The following ARID3A variants were observed in gnomAD, a reference collection of about 807,000 sequenced individuals.
ARID3A encodes the protein AT-rich interactive domain-containing protein 3A.
A neutral mutation model predicts 52.7 loss-of-function variants in ARID3A; 11 were observed. The observed-to-expected ratio is 0.21, with a 90% confidence interval of 0.13 to 0.35. The LOEUF (loss-of-function observed/expected upper bound fraction) is 0.35. Ranked by LOEUF, ARID3A falls within the 10% of genes least tolerant of loss-of-function variation. ARID3A has a pLI of 1.00. For missense variants in ARID3A, 721 were observed against 838.5 expected, an observed-to-expected ratio of 0.86 and a Z score of 1.73; for synonymous variants, 404 against 359.4, an observed-to-expected ratio of 1.12 and a Z score of -1.40.
Position 975,316 on chromosome 19 carries a change from G to A in ARID3A, c.*3251G>A, listed in dbSNP as rs922380482. The A allele has an allele frequency of 1.0e-4, 23 of 230,288 alleles. No homozygotes were observed. The highest frequency in any genetic ancestry group is 3.3e-4 in the African/African-American group (15 of 45,126). 14.3% of individuals were successfully genotyped at this position (230,288 alleles called of 1,614,324 possible). A position where few individuals can be genotyped will look rare whatever the true frequency, so the allele number is the denominator to read the frequency against. ...AGAAAGGCGGCTTCTGGAACCTTCC[G>A]TGGGACCCGTAAGTGGCTGTCCAGA... is the stretch of plus-strand genomic sequence containing the variant. On this transcript the variant is annotated 3_prime_UTR_variant, in exon 9 of 9. Coordinates refer to ENST00000263620, the MANE Select transcript of ARID3A (RefSeq NM_005224.3).
Position 959,983 on chromosome 19 carries a change from T to G in ARID3A, c.694-109T>G, listed in dbSNP as rs913815790. ...GGCAGCGGCTTGAGGGTCCTAGGGG[T>G]GGTGACCCCTGCTCCTGTCCTCCTG... On this transcript the variant is annotated intron_variant, in intron 3 of 8. Transcript: ENST00000263620. The surrounding 1 kb of genome is among the most constrained non-coding windows in gnomAD (Gnocchi z 5.0). 20 of 869,302 alleles carry G rather than the reference T, an allele frequency of 2.3e-5. No individual in the cohort carries two copies. Among genetic ancestry groups the G allele is most frequent in the Admixed American group, 5.4e-5 (2 of 37,124 alleles). 53.8% of individuals were successfully genotyped at this position (869,302 alleles called of 1,614,324 possible). A position where few individuals can be genotyped will look rare whatever the true frequency, so the allele number is the denominator to read the frequency against.
At chr19:943,567 CA>C (rs55936409) in intron 3 of ARID3A, among the ~76,000 whole-genome samples, 36 of 131,414 alleles carry the variant, frequency 2.7e-4, no homozygotes, top group Admixed American at 3.8e-4. Context: ...GACTCTGTCT[CA>C]AAAAAAAAAA....
intron 3 of ARID3A, among the ~76,000 whole-genome samples, chr19:953,322 TG>T (rs1242411903): frequency 1.3e-5 from 2 of 152,120 alleles, no homozygotes; most frequent in South Asian, 2.1e-4. Context: ...CTTCCAGGGC[TG>T]GGGGGTGGCG....
chr19:948,859 G>A (rs1017646373), intron 3 of ARID3A, among the ~76,000 whole-genome samples: 15 of 151,922 alleles, frequency 9.9e-5, no homozygotes, highest in South Asian at 2.1e-4. Context: ...ACAGGCGTGC[G>A]CCACCACGCC....
intron 3 of ARID3A, among the ~76,000 whole-genome samples, chr19:946,796 TTGTGTGTGTGTGTG>T (rs544067938): frequency 6.7e-6 from 1 of 150,028 alleles, no homozygotes; most frequent in Non-Finnish European, 1.5e-5. Flanking sequence ...GTTTGTTTGT[TTGTGTGTGTGTGTG>T]TGTGACAGGG....
At chr19:966,313 G>A (rs1201362768) in intron 6 of ARID3A, among the ~76,000 whole-genome samples, 1 of 151,678 alleles carries the variant, frequency 6.6e-6, no homozygotes, top group Non-Finnish European at 1.5e-5. Context: ...TACAAAATTA[G>A]CCAGGCGTGG....
chr19:936,159 G>C (rs970254791), intron 3 of ARID3A, among the ~76,000 whole-genome samples: 1 of 152,238 alleles, frequency 6.6e-6, no homozygotes, highest in Admixed American at 6.5e-5. Context: ...TGAACCTTTA[G>C]TCTCAACAAT....
Position 974,234 on chromosome 19 carries a change from AG to A in ARID3A, c.*2173del, listed in dbSNP as rs2038337488. ...CTGTCACTTTCCTGTGTCTTTGGGGAGGGGACCCCCACTTCCTTCTCGGATC... is the reference window on the plus strand; with the variant it reads ...CTGTCACTTTCCTGTGTCTTTGGGGAGGGACCCCCACTTCCTTCTCGGATC... On this transcript the variant is annotated 3_prime_UTR_variant, in exon 9 of 9. Transcript: ENST00000263620. The A allele has an allele frequency of 4.4e-6, 1 of 225,092 alleles. No individual in the cohort carries two copies. The highest frequency in any genetic ancestry group is 2.2e-5 in the African/African-American group (1 of 44,616). 13.9% of individuals were successfully genotyped at this position (225,092 alleles called of 1,614,324 possible).
chr19:964,310 G>C lies in ARID3A; in HGVS notation c.829G>C (p.Val277Leu), dbSNP rs749030700. The part of the protein sequence containing the change: ...KQVLDLFMLY[V>L]LVTEKGGLVE... ...GGTCCTTGACCTGTTCATGCTGTACGTGCTGGTGACGGAGAAGGGCGGCCT... is the reference window on the plus strand; with the variant it reads ...GGTCCTTGACCTGTTCATGCTGTACCTGCTGGTGACGGAGAAGGGCGGCCT... The change falls in exon 5 of 9, where the codon GTG (valine) becomes CTG (leucine). Residue 277 changes from valine (V) to leucine (L), a missense_variant. This residue lies in a region of ARID3A where 43 missense variants were observed against 143.7 expected (regional missense o/e 0.30). Transcript: ENST00000263620. The surrounding 1 kb of genome is among the most constrained non-coding windows in gnomAD (Gnocchi z 5.7). The C allele has an allele frequency of 6.2e-7, 1 of 1,614,118 alleles. No individual in the cohort carries two copies.
chr19:964,629 G>A lies in ARID3A; in HGVS notation c.950+198G>A, dbSNP rs575316856. ...GGTGCGAGGACCACACAGTCTCTGG[G>A]GTTGTGCAATCAGGGGCCATTGCGA... On this transcript the variant is annotated intron_variant, in intron 5 of 8. Coordinates refer to ENST00000263620, the MANE Select transcript of ARID3A (RefSeq NM_005224.3). This position sits in a 1 kb window ranked among gnomAD's most constrained non-coding sequence, Gnocchi z 5.7. 1.3e-5 allele frequency among the ~76,000 whole-genome samples: 2 copies of A among 152,292 alleles called. No individual in the cohort carries two copies. The highest frequency in any genetic ancestry group is 2.1e-4 in the South Asian group (1 of 4,830).
chr19:969,118 T>TTTTAA (rs1241223104), intron 8 of ARID3A, among the ~76,000 whole-genome samples: 2 of 152,136 alleles, frequency 1.3e-5, no homozygotes, highest in Non-Finnish European at 2.9e-5. Flanking sequence ...TTTTTATTTT[T>TTTTAA]TTTAATTTGT....
At chr19:933,857 G>GGC (rs1555726142) in intron 3 of ARID3A, among the ~76,000 whole-genome samples, 6 of 114,716 alleles carry the variant, frequency 5.2e-5, no homozygotes, top group African/African-American at 2.0e-4. Context: ...GGGGGGGGGG[G>GGC]GCGTCTCGCT....
At position 944,892 on chromosome 19, in the gene ARID3A, C is replaced by G. The variant is rs1164665827; in HGVS notation, c.693+12150C>G. ...GATGTCCCTGGGTCCTGCGGTCGCT[C>G]TCTGTCTCCATCTCTTCTTTCTCCT... On this transcript the variant is annotated intron_variant, in intron 3 of 8. Transcript: ENST00000263620. This position sits in a 1 kb window ranked among gnomAD's most constrained non-coding sequence, Gnocchi z 5.9. Among the ~76,000 whole-genome samples, 1 of 152,194 alleles carries G rather than the reference C, an allele frequency of 6.6e-6. No homozygotes were observed. Among genetic ancestry groups the G allele is most frequent in the Non-Finnish European group, 1.5e-5 (1 of 68,018 alleles).
At chr19:954,702 G>C (rs1040565901) in intron 3 of ARID3A, among the ~76,000 whole-genome samples, 2 of 152,076 alleles carry the variant, frequency 1.3e-5, no homozygotes, top group East Asian at 3.9e-4. Context: ...TATCGGTCCT[G>C]GGAGGACGGG....
intron 3 of ARID3A, among the ~76,000 whole-genome samples, chr19:935,892 G>A (rs34061764): frequency 0.11 from 16,442 of 152,240 alleles, 1,125 homozygotes; most frequent in African/African-American, 0.19. Context: ...CCGGGTTCAC[G>A]CCATTCTCCT....
chr19:972,438 T>G lies in ARID3A; in HGVS notation c.*373T>G, dbSNP rs887261700. 1 of 213,894 alleles carries G rather than the reference T, an allele frequency of 4.7e-6. No individual in the cohort carries two copies. Among genetic ancestry groups the G allele is most frequent in the African/African-American group, 2.3e-5 (1 of 44,070 alleles). 13.2% of individuals were successfully genotyped at this position (213,894 alleles called of 1,614,324 possible). A position where few individuals can be genotyped will look rare whatever the true frequency, so the allele number is the denominator to read the frequency against. ...TGGACCGAAGGCTCTGGTGTCTGGT[T>G]TGGCCCCACAGCAGTGTGGGCCGAT... On this transcript the variant is annotated 3_prime_UTR_variant, in exon 9 of 9. Transcript: ENST00000263620.
chr19:946,249 T>G (rs969782812), intron 3 of ARID3A, among the ~76,000 whole-genome samples: 12 of 152,036 alleles, frequency 7.9e-5, no homozygotes, highest in Admixed American at 6.6e-4. Flanking sequence ...TACTTTTTCC[T>G]TTTTATTTAT....
chr19:956,324 G>A (rs772130848), intron 3 of ARID3A, among the ~76,000 whole-genome samples: 29 of 152,138 alleles, frequency 1.9e-4, no homozygotes, highest in Non-Finnish European at 2.9e-4. Flanking sequence ...TTCAAGTAAC[G>A]AGCATTTATT....
rs2038317534 is a variant in ARID3A, at chr19:973,134, G to GTTTTTTTTTTTTTTT, written c.*1073_*1074insTTTTTTTTTTTTTTT. ...TTTTTTTTTTTTTTTTTGAGACGGA[G>GTTTTTTTTTTTTTTT]TTTTGCTCTTGTCGCCCAGGCTGGA... On this transcript the variant is annotated 3_prime_UTR_variant, in exon 9 of 9. Transcript: ENST00000263620. The GTTTTTTTTTTTTTTT allele has an allele frequency of 3.0e-4, 3 of 9,878 alleles. No homozygotes were observed. Among genetic ancestry groups the GTTTTTTTTTTTTTTT allele is most frequent in the Non-Finnish European group, 6.4e-4 (2 of 3,106 alleles). 0.6% of individuals were successfully genotyped at this position (9,878 alleles called of 1,614,324 possible).
Sources: allele counts gnomAD v4.1 joint callset (sites outside exome capture counted in the v4.1 genomes callset), GRCh38; gene constraint gnomAD v4.1.1; regional missense constraint gnomAD v4.1.1; non-coding constraint Gnocchi (gnomAD v3.1); transcripts MANE v1.5; gene names NCBI Gene and HGNC (gene_info 2026-07-23, HGNC 2026-07-21).